DIXDC1: variants seen among roughly 807,000 people sequenced by gnomAD.
DIXDC1 encodes DIX domain containing 1.
A neutral mutation model predicts 103.1 loss-of-function variants in DIXDC1; 64 were observed. The ratio of observed to expected loss-of-function variants is 0.62; its 90% CI spans 0.51 to 0.76. The LOEUF is 0.76. Ranked by LOEUF, DIXDC1 falls within the 30% of genes least tolerant of loss-of-function variation. The pLI, the probability that DIXDC1 is intolerant of heterozygous loss-of-function variation, is 0.00. For missense variants in DIXDC1, 759 were observed against 834.2 expected (o/e 0.91, Z 1.11); for synonymous variants, 266 against 298.5 (o/e 0.89, Z 1.12).
Position 111,992,523 on chromosome 11 carries a change from A to T in DIXDC1, c.1218+4A>T, listed in dbSNP as rs1592606133. 1 of 1,559,280 alleles carries T rather than the reference A, an allele frequency of 6.4e-7. No homozygotes were observed. The highest frequency in any genetic ancestry group is 1.4e-5 in the African/African-American group (1 of 73,454). ...AGATGAGCTGCACAACCAGAATGTG[A>T]GTTAAATGAATGAGCCTTGACCTCA... On this transcript the variant is annotated splice_donor_region_variant and intron_variant, in intron 11 of 19. Transcript: ENST00000440460.
At chr11:111,995,153 A>T (rs782245641) in intron 15 of DIXDC1, 45 bp downstream of exon 15, 1 of 1,591,692 alleles carries the variant, frequency 6.3e-7, no homozygotes, top group Middle Eastern at 1.7e-4. Flanking sequence ...TTCTCACTGA[A>T]ACCAGAAGAG....
At chr11:111,938,320 C>T (rs1555168471) in intron 1 of DIXDC1, among the ~76,000 whole-genome samples, 1 of 152,154 alleles carries the variant, frequency 6.6e-6, no homozygotes, top group Non-Finnish European at 1.5e-5. Flanking sequence ...ATGCTTCCCC[C>T]TCAAGATTTG....
intron 1 of DIXDC1, among the ~76,000 whole-genome samples, chr11:111,948,966 C>T (rs1349096961): frequency 6.6e-5 from 10 of 151,716 alleles, no homozygotes; most frequent in African/African-American, 2.2e-4. Flanking sequence ...CAGGATTTAG[C>T]GTCATCACTG....
rs1407880951 is a variant in DIXDC1 at position 112,022,207 on chromosome 11, C to A, written c.*3171C>A. ...GGGAAAATATCTTTATACTATACATCCAATTCAAGAGGACTTTAATTACTT... is the reference window on the plus strand; with the variant it reads ...GGGAAAATATCTTTATACTATACATACAATTCAAGAGGACTTTAATTACTT... On this transcript the variant is annotated 3_prime_UTR_variant, in exon 20 of 20. Transcript: ENST00000440460. This position sits in a 1 kb window ranked among gnomAD's most constrained non-coding sequence, Gnocchi z 4.9. 6.6e-6 allele frequency: 1 copy of A among 152,256 alleles called. No individual in the cohort carries two copies. Among genetic ancestry groups the A allele is most frequent in the East Asian group, 1.9e-4 (1 of 5,190 alleles). 9.4% of individuals were successfully genotyped at this position (152,256 alleles called of 1,614,324 possible).
chr11:111,990,511 A>G (rs1301855617), intron 10 of DIXDC1, among the ~76,000 whole-genome samples: 2 of 152,184 alleles, frequency 1.3e-5, no homozygotes, highest in Admixed American at 1.3e-4. Flanking sequence ...TTCACTTAGT[A>G]GTATATCTTC....
intron 6 of DIXDC1, among the ~76,000 whole-genome samples, chr11:111,981,173 C>T (rs1860294734): frequency 6.6e-6 from 1 of 152,156 alleles, no homozygotes; most frequent in Non-Finnish European, 1.5e-5. Flanking sequence ...CTATCTTATA[C>T]AAATAATTGC....
At chr11:112,011,818 G>C (rs587651339) in intron 17 of DIXDC1, among the ~76,000 whole-genome samples, 2 of 152,158 alleles carry the variant, frequency 1.3e-5, no homozygotes, top group East Asian at 1.9e-4. Flanking sequence ...GGGGGGACGG[G>C]GGGAGGGATA....
chr11:111,977,557 G>A lies in DIXDC1; in HGVS notation c.656+2574G>A. 6.8e-7 allele frequency: 1 copy of A among 1,480,682 alleles called. No homozygotes were observed. Among genetic ancestry groups the A allele is most frequent in the Non-Finnish European group, 9.0e-7 (1 of 1,115,710 alleles). 91.7% of individuals were successfully genotyped at this position (1,480,682 alleles called of 1,614,324 possible). ...GGGACTGCGCGCTTCAGAGCCTGGA[G>A]CATCCCAGTCGCTGGGGCCGAGACG... On this transcript the variant is annotated intron_variant, in intron 5 of 19. Transcript: ENST00000440460. This position sits in a 1 kb window ranked among gnomAD's most constrained non-coding sequence, Gnocchi z 6.1.
intron 17 of DIXDC1, among the ~76,000 whole-genome samples, chr11:112,012,182 T>C (rs1430338792): frequency 6.6e-6 from 1 of 152,206 alleles, no homozygotes; most frequent in African/African-American, 2.4e-5. Context: ...CCTACCAGGC[T>C]TTTGTAGATA....
chr11:112,018,238 G>A (rs908275166), intron 19 of DIXDC1, among the ~76,000 whole-genome samples: 3 of 152,170 alleles, frequency 2.0e-5, no homozygotes, highest in African/African-American at 4.8e-5. Flanking sequence ...AAATAAACAC[G>A]CATGGATATA....
In DIXDC1 at chr11:111,958,426, G is replaced by A. The variant is rs1555170759; in HGVS notation, c.61-6123G>A. On this transcript the variant is annotated intron_variant, in intron 1 of 19. Coordinates refer to ENST00000440460, the MANE Select transcript of DIXDC1 (RefSeq NM_001037954.4). The surrounding 1 kb of genome is among the most constrained non-coding windows in gnomAD (Gnocchi z 4.2). Reference sequence around the variant, plus strand: ...TCCCTGCACCTGCTCCGATCTTGGAGCAAAGTTGAGGCCAAGCCCGGGCAC... The same window carrying A: ...TCCCTGCACCTGCTCCGATCTTGGAACAAAGTTGAGGCCAAGCCCGGGCAC... Among the ~76,000 whole-genome samples the A allele has an allele frequency of 6.6e-6, 1 of 152,246 alleles. No homozygotes were observed. Among genetic ancestry groups the A allele is most frequent in the African/African-American group, 2.4e-5 (1 of 41,470 alleles).
At chr11:111,943,222 C>T (rs1307492291) in intron 1 of DIXDC1, among the ~76,000 whole-genome samples, 1 of 152,174 alleles carries the variant, frequency 6.6e-6, no homozygotes, top group African/African-American at 2.4e-5. Context: ...CTGCAACCTC[C>T]ACCTCGCACC....
intron 8 of DIXDC1, 29 bp downstream of exon 8, chr11:111,985,350 T>TA: frequency 6.5e-7 from 1 of 1,548,002 alleles, no homozygotes; most frequent in Non-Finnish European, 8.9e-7. Context: ...GATTGGACAC[T>TA]AAATCTGTAT....
rs782573527 is a variant in DIXDC1, at chr11:112,016,755, T to C, written c.1821T>C (p.Thr607=). The change falls in exon 18 of 20, where the codon ACT becomes ACC. Residue 607 remains threonine (T), a synonymous_variant. Transcript: ENST00000440460. ...SSTCTKVLYF[T]DRSLTPFMVN... is the part of the protein sequence containing the mutation. ...CCTGTACTAAAGTGCTCTATTTCAC[T>C]GACCGGTCACTTACGCCCTTCATGG... The C allele has an allele frequency of 3.1e-6, 5 of 1,609,758 alleles. No individual in the cohort carries two copies. The highest frequency in any genetic ancestry group is 4.2e-6 in the Non-Finnish European group (5 of 1,177,650).
chr11:111,993,009 G>A lies in DIXDC1; in HGVS notation c.1272+5G>A. The A allele has an allele frequency of 1.9e-6, 3 of 1,599,110 alleles. No individual in the cohort carries two copies. Among genetic ancestry groups the A allele is most frequent in the Non-Finnish European group, 1.7e-6 (2 of 1,172,620 alleles). ...CGGCTCTTGGGAGAATATAAAGTAAGAATGAATATCAGTTTGGAAATGACT... is the reference window on the plus strand; with the variant it reads ...CGGCTCTTGGGAGAATATAAAGTAAAAATGAATATCAGTTTGGAAATGACT... On this transcript the variant is annotated splice_donor_5th_base_variant and intron_variant, in intron 12 of 19. Transcript: ENST00000440460.
chr11:112,000,522 C>A (rs1566560983), intron 17 of DIXDC1, among the ~76,000 whole-genome samples: 1 of 152,024 alleles, frequency 6.6e-6, no homozygotes, highest in Non-Finnish European at 1.5e-5. Context: ...TGTGGTGAAA[C>A]CCCGTCTCTA....
chr11:111,973,000 A>C (rs1859984579), intron 3 of DIXDC1, among the ~76,000 whole-genome samples: 1 of 151,034 alleles, frequency 6.6e-6, no homozygotes, highest in Non-Finnish European at 1.5e-5. Context: ...CAGAGGTTGC[A>C]GTGAGCCAAG....
At chr11:111,932,397 T>C (rs1966053680), upstream of DIXDC1, among the ~76,000 whole-genome samples, 1 of 151,010 alleles carries the variant, frequency 6.6e-6, no homozygotes, top group African/African-American at 2.4e-5. Flanking sequence ...AGAAAAAAAA[T>C]CCATAACCCA....
intron 10 of DIXDC1, among the ~76,000 whole-genome samples, 154 bp downstream of exon 10, chr11:111,989,209 G>A (rs1024005182): frequency 6.6e-6 from 1 of 152,138 alleles, no homozygotes; most frequent in Non-Finnish European, 1.5e-5. Flanking sequence ...GAGACATGTC[G>A]AGGAATATAC....
Sources: gnomAD v4.1 joint callset for allele counts (sites outside exome capture counted in the v4.1 genomes callset) on GRCh38, gnomAD v4.1.1 for gene constraint, Gnocchi (gnomAD v3.1) non-coding constraint, MANE v1.5 for transcripts, NCBI Gene and HGNC (gene_info 2026-07-23, HGNC 2026-07-21) for gene names.